CRB3: variants seen among roughly 807,000 people sequenced by gnomAD.
The protein encoded by CRB3 is protein crumbs homolog 3.
CRB3 carries 4 observed loss-of-function variants against 10.4 expected under a neutral mutation model. The ratio of observed to expected loss-of-function variants is 0.39; its 90% CI spans 0.19 to 0.88. The LOEUF is 0.88. Among genes scored for constraint, CRB3 ranks in the 40% least tolerant of loss-of-function variants. CRB3 has a pLI of 0.39. For missense variants in CRB3, 154 were observed against 160.2 expected, an observed-to-expected ratio of 0.96 and a Z score of 0.21; for synonymous variants, 74 against 73.4, an observed-to-expected ratio of 1.01 and a Z score of -0.04.
chr19:6,465,449 G>C (rs148681291), intron 2 of CRB3, 96 bp from the exon 3 acceptor site: 5 of 954,850 alleles, frequency 5.2e-6, no homozygotes, highest in South Asian at 2.6e-5. Context: ...GACCTGCTAG[G>C]GGGAGGTGAA....
chr19:6,466,622 G>A lies in CRB3; in HGVS notation c.313G>A (p.Val105Met), dbSNP rs749755908. ...TAGCGAGGAGCAGGTGGGTGCCCGC[G>A]TGCCACCGACCCCCAACCTCAAGTT... Reference protein sequence around the residue: ...PSSEEQVGARVPPTPNLKLPP... With the variant: ...PSSEEQVGARMPPTPNLKLPP... The change falls in exon 4 of 4, where the codon GTG becomes ATG. Residue 105 changes from valine (V) to methionine (M), a missense_variant. By Grantham distance (21) the Val-to-Met change is conservative. Transcript: ENST00000600229. The surrounding 1 kb of genome is among the most constrained non-coding windows in gnomAD (Gnocchi z 4.9). 1.0e-5 allele frequency: 16 copies of A among 1,604,334 alleles called. No homozygotes were observed. The highest frequency in any genetic ancestry group is 3.3e-5 in the South Asian group (3 of 91,060).
Position 6,466,414 on chromosome 19 carries a change from G to T in CRB3, c.157-52G>T. The T allele has an allele frequency of 6.7e-7, 1 of 1,491,460 alleles. No homozygotes were observed. The allele number at this position is 1,491,460 out of a possible 1,614,324, so 92.4% of individuals were successfully genotyped here. A position where few individuals can be genotyped will look rare whatever the true frequency, so the allele number is the denominator to read the frequency against. Reference sequence around the variant, plus strand: ...ATGAGGGGGATGCCATTCAGGTGGAGGTGGACAGGCTACCCAGGCTCAGGT... The same window carrying T: ...ATGAGGGGGATGCCATTCAGGTGGATGTGGACAGGCTACCCAGGCTCAGGT... On this transcript the variant is annotated intron_variant, in intron 3 of 3. Transcript: ENST00000600229. The surrounding 1 kb of genome is among the most constrained non-coding windows in gnomAD (Gnocchi z 4.9).
Position 6,466,855 on chromosome 19 carries a change from C to T in CRB3, c.*183C>T. The T allele has an allele frequency of 1.9e-6, 3 of 1,567,702 alleles. No individual in the cohort carries two copies. The highest frequency in any genetic ancestry group is 2.6e-6 in the Non-Finnish European group (3 of 1,154,902). ...CCTCTGCTTGGCTGTGCCTGCAGCT[C>T]AGGGTGCTGGGGCTCGGGACCCACC... On this transcript the variant is annotated 3_prime_UTR_variant, in exon 4 of 4. Transcript: ENST00000600229. The surrounding 1 kb of genome is among the most constrained non-coding windows in gnomAD (Gnocchi z 4.9).
chr19:6,466,469 C>T lies in CRB3; in HGVS notation c.160C>T (p.Pro54Ser), dbSNP rs1186680669. Residue 54 changes from proline (P) to serine (S), a missense_variant, in exon 4 of 4, where the codon CCA (proline) becomes TCA (serine). Pro to Ser is a moderately conservative substitution (Grantham distance 74). Transcript: ENST00000600229. The surrounding 1 kb of genome is among the most constrained non-coding windows in gnomAD (Gnocchi z 4.9). ...TSSSSDGNLRPEAITAIIVVF... is the reference protein window; with the variant it reads ...TSSSSDGNLRSEAITAIIVVF... ...CACACCTGTCCCCTCTCTGCAGCGTCCAGAAGCCATCACTGCTATCATCGT... is the reference window on the plus strand; with the variant it reads ...CACACCTGTCCCCTCTCTGCAGCGTTCAGAAGCCATCACTGCTATCATCGT... 3.1e-6 allele frequency: 5 copies of T among 1,613,438 alleles called. No homozygotes were observed. Among genetic ancestry groups the T allele is most frequent in the African/African-American group, 2.7e-5 (2 of 74,888 alleles).
At position 6,466,976 on chromosome 19, in the gene CRB3, C is replaced by G; in HGVS notation, c.*304C>G. 2 of 1,614,040 alleles carry G rather than the reference C, an allele frequency of 1.2e-6. No homozygotes were observed. The highest frequency in any genetic ancestry group is 1.7e-6 in the Non-Finnish European group (2 of 1,179,968). ...TTCTCCCATGCAGCCGAGGCCCGGG[C>G]CCCTCAGGACTCCAAGGAGACGGTG... On this transcript the variant is annotated 3_prime_UTR_variant, in exon 4 of 4. Transcript: ENST00000600229. This position sits in a 1 kb window ranked among gnomAD's most constrained non-coding sequence, Gnocchi z 4.9.
Position 6,466,423 on chromosome 19 carries a change from G to C in CRB3, c.157-43G>C. On this transcript the variant is annotated intron_variant, in intron 3 of 3. Coordinates refer to ENST00000600229, the MANE Select transcript of CRB3 (RefSeq NM_139161.5). This position sits in a 1 kb window ranked among gnomAD's most constrained non-coding sequence, Gnocchi z 4.9. ...ATGCCATTCAGGTGGAGGTGGACAGGCTACCCAGGCTCAGGTGATTCACAC... is the reference window on the plus strand; with the variant it reads ...ATGCCATTCAGGTGGAGGTGGACAGCCTACCCAGGCTCAGGTGATTCACAC... The C allele has an allele frequency of 6.4e-7, 1 of 1,568,694 alleles. No homozygotes were observed. Among genetic ancestry groups the C allele is most frequent in the South Asian group, 1.1e-5 (1 of 90,156 alleles).
In CRB3 at chr19:6,464,484, C is replaced by T. The variant is rs915279896; in HGVS notation, c.-94-124C>T. ...CTGGGAGTTAATCTTTAATCGCTGA[C>T]CTCTGGCGGCTGGGGCGGGGCGGGA... On this transcript the variant is annotated intron_variant, in intron 1 of 3. Coordinates refer to ENST00000600229, the MANE Select transcript of CRB3 (RefSeq NM_139161.5). This position sits in a 1 kb window ranked among gnomAD's most constrained non-coding sequence, Gnocchi z 5.3. 4.1e-5 allele frequency: 16 copies of T among 390,634 alleles called. No individual in the cohort carries two copies. The highest frequency in any genetic ancestry group is 3.3e-4 in the African/African-American group (16 of 48,408). 24.2% of individuals were successfully genotyped at this position (390,634 alleles called of 1,614,324 possible). A position where few individuals can be genotyped will look rare whatever the true frequency, so the allele number is the denominator to read the frequency against.
chr19:6,465,649 A>T, intron 3 of CRB3, 31 bp downstream of exon 3: 1 of 1,561,872 alleles, frequency 6.4e-7, no homozygotes, highest in Non-Finnish European at 8.8e-7. Flanking sequence ...GGAAGATGGC[A>T]GCAAGGATGT....
rs563983364 is a variant in CRB3 at position 6,465,892 on chromosome 19, G to A, written c.156+274G>A. Reference sequence around the variant, plus strand: ...GTGGGGGAGCAAGGAGCTCAGACTTGGTAGATGTGATGAAAGCAGGAGTCC... The same window carrying A: ...GTGGGGGAGCAAGGAGCTCAGACTTAGTAGATGTGATGAAAGCAGGAGTCC... On this transcript the variant is annotated intron_variant, in intron 3 of 3. Transcript: ENST00000600229. Among the ~76,000 whole-genome samples, 67 of 152,124 alleles carry A rather than the reference G, an allele frequency of 4.4e-4. No homozygotes were observed. The South Asian group carries it at 9.3e-3, about 21-fold the overall frequency.
At chr19:6,465,144 C>A (rs952832056) in intron 2 of CRB3, 2 of 280,372 alleles carry the variant, frequency 7.1e-6, no homozygotes, top group African/African-American at 2.2e-5. Context: ...GCCTGCCGAG[C>A]CGGGTCGACC....
At position 6,466,559 on chromosome 19, in the gene CRB3, C is replaced by T. The variant is rs143502588; in HGVS notation, c.250C>T (p.Arg84Trp). The change falls in exon 4 of 4, where the codon CGG becomes TGG. Residue 84 changes from arginine (R) to tryptophan (W), a missense_variant. By Grantham distance (101) the Arg-to-Trp change is moderately radical. Transcript: ENST00000600229. This position sits in a 1 kb window ranked among gnomAD's most constrained non-coding sequence, Gnocchi z 4.9. ...GCTGGCACTGTTGGTGCGGAAGCTT[C>T]GGGAGAAGCGGCAGACGGAGGGCAC... Reference protein sequence around the residue: ...VGLALLVRKLREKRQTEGTYR... With the variant: ...VGLALLVRKLWEKRQTEGTYR... 3.7e-5 allele frequency: 60 copies of T among 1,611,914 alleles called. No individual in the cohort carries two copies. Among genetic ancestry groups the T allele is most frequent in the Middle Eastern group, 3.3e-4 (2 of 6,078 alleles).
chr19:6,466,590 G>A lies in CRB3; in HGVS notation c.281G>A (p.Arg94Gln), dbSNP rs758268240. The change falls in exon 4 of 4, where the codon CGG (arginine) becomes CAG (glutamine). Residue 94 changes from arginine (R) to glutamine (Q), a missense_variant. Coordinates refer to ENST00000600229, the MANE Select transcript of CRB3 (RefSeq NM_139161.5). The surrounding 1 kb of genome is among the most constrained non-coding windows in gnomAD (Gnocchi z 4.9). The part of the protein sequence containing the change: ...REKRQTEGTY[R>Q]PSSEEQVGAR... ...AAGCGGCAGACGGAGGGCACCTACC[G>A]GCCCAGTAGCGAGGAGCAGGTGGGT... 1.3e-5 allele frequency: 21 copies of A among 1,608,962 alleles called. No individual in the cohort carries two copies. The highest frequency in any genetic ancestry group is 1.5e-5 in the Non-Finnish European group (18 of 1,179,988).
intron 3 of CRB3, 95 bp downstream of exon 3, chr19:6,465,713 C>T (rs530756520): frequency 7.4e-6 from 8 of 1,086,030 alleles, no homozygotes; most frequent in South Asian, 1.3e-5. Context: ...CCCCTCCCCC[C>T]AGAGGTGGCA....
chr19:6,465,616 C>T lies in CRB3; in HGVS notation c.154C>T (p.Leu52=), dbSNP rs1306592961. 3.7e-6 allele frequency: 6 copies of T among 1,612,734 alleles called. No homozygotes were observed. Among genetic ancestry groups the T allele is most frequent in the South Asian group, 3.3e-5 (3 of 91,044 alleles). Residue 52 remains leucine, a splice_region_variant and synonymous_variant, in exon 3 of 4, where the codon CTG becomes TTG. Coordinates refer to ENST00000600229, the MANE Select transcript of CRB3 (RefSeq NM_139161.5). The part of the protein sequence containing the change: ...SSTSSSSDGN[L]RPEAITAIIV... Reference sequence around the variant, plus strand: ...CACCAGCTCCAGCTCCGATGGCAACCTGGTGAGTTGGAGGTATATGTGGGA... The same window carrying T: ...CACCAGCTCCAGCTCCGATGGCAACTTGGTGAGTTGGAGGTATATGTGGGA...
rs1396423995 is a variant in CRB3 at position 6,466,896 on chromosome 19, C to T, written c.*224C>T. On this transcript the variant is annotated 3_prime_UTR_variant, in exon 4 of 4. Transcript: ENST00000600229. The surrounding 1 kb of genome is among the most constrained non-coding windows in gnomAD (Gnocchi z 4.9). ...GGGACCCACCCCCCTGCTTGCGGAA[C>T]CAACTTTTCTCTGTGTGTCCAGCAG... The T allele has an allele frequency of 4.4e-6, 7 of 1,593,702 alleles. No individual in the cohort carries two copies. Among genetic ancestry groups the T allele is most frequent in the African/African-American group, 1.3e-5 (1 of 74,136 alleles).
Position 6,466,569 on chromosome 19 carries a change from G to A in CRB3, c.260G>A (p.Arg87Gln), listed in dbSNP as rs771187848. The A allele has an allele frequency of 3.7e-6, 6 of 1,611,058 alleles. No individual in the cohort carries two copies. The highest frequency in any genetic ancestry group is 2.7e-5 in the African/African-American group (2 of 75,046). Residue 87 changes from arginine to glutamine, a missense_variant, in exon 4 of 4, where the codon CGG (arginine) becomes CAG (glutamine). By Grantham distance (43) the Arg-to-Gln change is conservative (BLOSUM62 1). Transcript: ENST00000600229. This position sits in a 1 kb window ranked among gnomAD's most constrained non-coding sequence, Gnocchi z 4.9. ...ALLVRKLREKRQTEGTYRPSS... is the reference protein window; with the variant it reads ...ALLVRKLREKQQTEGTYRPSS... Reference sequence around the variant, plus strand: ...TTGGTGCGGAAGCTTCGGGAGAAGCGGCAGACGGAGGGCACCTACCGGCCC... The same window carrying A: ...TTGGTGCGGAAGCTTCGGGAGAAGCAGCAGACGGAGGGCACCTACCGGCCC...
chr19:6,466,529 G>T lies in CRB3; in HGVS notation c.220G>T (p.Val74Leu). 2.5e-6 allele frequency: 4 copies of T among 1,613,664 alleles called. No homozygotes were observed. Among genetic ancestry groups the T allele is most frequent in the Admixed American group, 1.7e-5 (1 of 60,030 alleles). Reference sequence around the variant, plus strand: ...CCTCTTGGCTGCCTTGCTCCTGGCTGTGGGGCTGGCACTGTTGGTGCGGAA... The same window carrying T: ...CCTCTTGGCTGCCTTGCTCCTGGCTTTGGGGCTGGCACTGTTGGTGCGGAA... ...FSLLAALLLA[V>L]GLALLVRKLR... Residue 74 changes from valine (V) to leucine (L), a missense_variant, in exon 4 of 4, where the codon GTG becomes TTG. Physicochemically the swap from Val to Leu is conservative, Grantham distance 32. Transcript: ENST00000600229. This position sits in a 1 kb window ranked among gnomAD's most constrained non-coding sequence, Gnocchi z 4.9.
At chr19:6,464,162 T>G (rs868751300), upstream of CRB3, 1 of 152,290 alleles carries the variant, frequency 6.6e-6, no homozygotes, top group South Asian at 2.1e-4. This position sits in a 1 kb window ranked among gnomAD's most constrained non-coding sequence, Gnocchi z 5.3. Context: ...CCTTCTTGAC[T>G]CCGCCCTCTC....
chr19:6,465,680 A>G, intron 3 of CRB3, 62 bp downstream of exon 3: 1 of 1,384,390 alleles, frequency 7.2e-7, no homozygotes, highest in African/African-American at 1.4e-5. Context: ...TCACACATAT[A>G]GCATGTAGAG....
Sources: gnomAD v4.1 joint callset for allele counts (sites outside exome capture counted in the v4.1 genomes callset) on GRCh38, gnomAD v4.1.1 for gene constraint, Gnocchi (gnomAD v3.1) non-coding constraint, MANE v1.5 for transcripts, NCBI Gene and HGNC (gene_info 2026-07-23, HGNC 2026-07-21) for gene names.